The following PUM3 variants were observed in gnomAD, a reference collection of about 807,000 sequenced individuals.
PUM3 encodes pumilio homolog 3.
PUM3 carries 91 observed loss-of-function variants against 84.0 expected under a neutral mutation model. That is an observed-to-expected ratio of 1.08 (90% CI 0.91 to 1.29). The LOEUF (loss-of-function observed/expected upper bound fraction) is 1.29. PUM3 is among the 50% of genes most tolerant of loss of function. The pLI is 0.00. For synonymous variants in PUM3, 321 were observed against 266.7 expected (o/e 1.20, Z -1.98); for missense variants, 1,067 against 767.5 (o/e 1.39, Z -4.61).
chr9:2,837,672 G>A (rs1816165001), intron 2 of PUM3, among the ~76,000 whole-genome samples: 1 of 152,064 alleles, frequency 6.6e-6, no homozygotes, highest in Admixed American at 6.5e-5. Flanking sequence ...AAACACTGGT[G>A]TCAGTTTGGT....
intron 1 of PUM3, 49 bp from the exon 2 acceptor site, chr9:2,838,566 T>A: frequency 1.8e-6 from 2 of 1,123,568 alleles, no homozygotes; most frequent in Non-Finnish European, 2.7e-6. Flanking sequence ...GTTCTCTTCA[T>A]CAAATAAGAG....
chr9:2,837,038 CT>C, intron 3 of PUM3, 141 bp downstream of exon 3: 1 of 688,594 alleles, frequency 1.5e-6, no homozygotes, highest in Non-Finnish European at 2.6e-6. Flanking sequence ...ATGAAAGATG[CT>C]TTGTTGTTTA....
intron 14 of PUM3, 61 bp from the exon 15 acceptor site, chr9:2,811,644 AT>A: frequency 8.0e-7 from 1 of 1,256,426 alleles, no homozygotes; most frequent in Non-Finnish European, 1.1e-6. Flanking sequence ...ATGTGGTGAT[AT>A]TATCACAAAA....
At chr9:2,833,324 T>C (rs747509546) in intron 5 of PUM3, 33 bp downstream of exon 5, 2 of 1,227,002 alleles carry the variant, frequency 1.6e-6, no homozygotes, top group Admixed American at 1.9e-5. Context: ...CTTCAACTGT[T>C]AAAAATTGCA....
intron 12 of PUM3, among the ~76,000 whole-genome samples, chr9:2,821,443 CAA>C (rs572752267): frequency 1.6e-4 from 8 of 50,124 alleles, no homozygotes; most frequent in Admixed American, 2.6e-4. Context: ...GACTCTGTCT[CAA>C]AAAAAAAAAA....
intron 13 of PUM3, among the ~76,000 whole-genome samples, chr9:2,818,535 C>T (rs1821519595): frequency 6.6e-6 from 1 of 152,208 alleles, no homozygotes. Flanking sequence ...AGCAAACTTT[C>T]AATATCCCAG....
intron 1 of PUM3, among the ~76,000 whole-genome samples, chr9:2,839,922 T>C (rs1816225285): frequency 6.6e-6 from 1 of 152,252 alleles, no homozygotes; most frequent in African/African-American, 2.4e-5. Flanking sequence ...CTTCCCCTAA[T>C]GTTAACATAC....
At chr9:2,833,600 G>A (rs1013662396) in intron 4 of PUM3, among the ~76,000 whole-genome samples, 168 bp from the exon 5 acceptor site, 9 of 152,128 alleles carry the variant, frequency 5.9e-5, no homozygotes, top group Admixed American at 2.0e-4. Context: ...CCAGACAAAA[G>A]TAATTTTCTC....
At chr9:2,819,138 C>T (rs1008284156) in intron 13 of PUM3, among the ~76,000 whole-genome samples, 2 of 152,180 alleles carry the variant, frequency 1.3e-5, no homozygotes, top group African/African-American at 4.8e-5. Context: ...TTGGTCACTA[C>T]TATCAAACTA....
At chr9:2,843,257 C>A (rs1031358488) in intron 1 of PUM3, among the ~76,000 whole-genome samples, 1 of 152,146 alleles carries the variant, frequency 6.6e-6, no homozygotes, top group Non-Finnish European at 1.5e-5. Context: ...TAACTATACT[C>A]CTTCCTAGCT....
rs1368629324 is a variant in PUM3, at chr9:2,829,710, CG to C, written c.852+63del. ...TACATTCAAAAGATATATAGGGCAC[CG>C]GAAGTTAAGGAAGAGCATATCGAAA... is the stretch of plus-strand genomic sequence containing the variant. On this transcript the variant is annotated intron_variant, in intron 8 of 17. Coordinates refer to ENST00000397885, the MANE Select transcript of PUM3 (RefSeq NM_014878.5). 15 of 1,393,234 alleles carry C rather than the reference CG, an allele frequency of 1.1e-5. No individual in the cohort carries two copies. In the South Asian group the frequency reaches 1.3e-4, roughly 12 times the overall value. The allele number at this position is 1,393,234 out of a possible 1,614,324, so 86.3% of individuals were successfully genotyped here. A position where few individuals can be genotyped will look rare whatever the true frequency, so the allele number is the denominator to read the frequency against.
intron 2 of PUM3, 37 bp downstream of exon 2, chr9:2,838,389 A>G (rs763007560): frequency 9.1e-6 from 13 of 1,424,410 alleles, no homozygotes; most frequent in South Asian, 3.4e-5. Context: ...TCCCCCAATT[A>G]TAACAGCCAA....
At chr9:2,820,655 A>C (rs1162272555) in intron 12 of PUM3, among the ~76,000 whole-genome samples, 1 of 152,150 alleles carries the variant, frequency 6.6e-6, no homozygotes, top group Admixed American at 6.5e-5. Context: ...TATATTGCTC[A>C]ATTTCTTTAA....
chr9:2,811,065 T>C (rs1392143667), intron 15 of PUM3, among the ~76,000 whole-genome samples: 1 of 152,224 alleles, frequency 6.6e-6, no homozygotes, highest in Admixed American at 6.5e-5. Context: ...CTAAGATCCA[T>C]GGCCCACTTC....
chr9:2,842,882 C>T (rs1816305540), intron 1 of PUM3, among the ~76,000 whole-genome samples: 2 of 152,218 alleles, frequency 1.3e-5, no homozygotes, highest in African/African-American at 4.8e-5. Context: ...CGTCCTCCAT[C>T]TCAGCCAATG....
chr9:2,810,824 A>G (rs1380584022), intron 15 of PUM3, among the ~76,000 whole-genome samples: 1 of 152,224 alleles, frequency 6.6e-6, no homozygotes, highest in African/African-American at 2.4e-5. Context: ...CCAATGCTGC[A>G]TGCTGTTTAA....
chr9:2,837,866 A>C (rs1816171014), intron 2 of PUM3, among the ~76,000 whole-genome samples: 1 of 152,206 alleles, frequency 6.6e-6, no homozygotes, highest in Non-Finnish European at 1.5e-5. Flanking sequence ...GTTAATTTTA[A>C]AATTTTCTAG....
chr9:2,834,288 G>T (rs999565643), intron 3 of PUM3, 122 bp from the exon 4 acceptor site: 7 of 768,560 alleles, frequency 9.1e-6, no homozygotes, highest in Non-Finnish European at 1.2e-5. Flanking sequence ...AGCTAAAAAG[G>T]GGAACATACC....
intron 12 of PUM3, among the ~76,000 whole-genome samples, chr9:2,820,338 T>A (rs541484532): frequency 6.6e-6 from 1 of 152,284 alleles, no homozygotes; most frequent in East Asian, 1.9e-4. Context: ...TGATTTTTTT[T>A]TAAAGCACAT....
Sources: allele counts gnomAD v4.1 joint callset (sites outside exome capture counted in the v4.1 genomes callset), GRCh38; gene constraint gnomAD v4.1.1; transcripts MANE v1.5; gene names NCBI Gene and HGNC (gene_info 2026-07-23, HGNC 2026-07-21).